Variants in SMAD9 observed in about 807,000 individuals in gnomAD.
SMAD9 encodes MAD homolog 9.
SMAD9 carries 36 observed loss-of-function variants against 46.1 expected under a neutral mutation model. The observed-to-expected ratio is 0.78, with a 90% CI of 0.60 to 1.03. The LOEUF is 1.03. Ranked by LOEUF, SMAD9 falls within the 50% of genes least tolerant of loss-of-function variation. The pLI is 0.00. For missense variants in SMAD9, 572 were observed against 599.8 expected (o/e 0.95, Z 0.48); for synonymous variants, 245 against 237.1 (o/e 1.03, Z -0.31).
chr13:36,898,896 T>C (rs906977025), intron 1 of SMAD9, among the ~76,000 whole-genome samples: 2 of 152,168 alleles, frequency 1.3e-5, no homozygotes, highest in African/African-American at 2.4e-5. Context: ...TATTCATGAT[T>C]GTATGGATGT....
intron 1 of SMAD9, among the ~76,000 whole-genome samples, chr13:36,890,814 T>C (rs2058483385): frequency 6.7e-6 from 1 of 149,692 alleles, no homozygotes; most frequent in Admixed American, 6.7e-5. Context: ...CTCTCCCCTC[T>C]CCACACCCCC....
At chr13:36,854,617 C>G (rs993587121) in intron 5 of SMAD9, among the ~76,000 whole-genome samples, 1 of 152,156 alleles carries the variant, frequency 6.6e-6, no homozygotes, top group Non-Finnish European at 1.5e-5. Flanking sequence ...AGTAATCCAC[C>G]CGCCTCGGCC....
intron 1 of SMAD9, among the ~76,000 whole-genome samples, chr13:36,907,363 T>TA (rs1488463111): frequency 6.6e-6 from 1 of 152,172 alleles, no homozygotes; most frequent in African/African-American, 2.4e-5. Context: ...CACTGAACTA[T>TA]ATGACTAAAA....
chr13:36,896,419 C>T (rs1478442317), intron 1 of SMAD9, among the ~76,000 whole-genome samples: 1 of 152,174 alleles, frequency 6.6e-6, no homozygotes. Context: ...AGGTGCGAGA[C>T]ACCAGACCCG....
intron 5 of SMAD9, among the ~76,000 whole-genome samples, chr13:36,855,262 A>G (rs1446008117): frequency 1.3e-5 from 2 of 151,440 alleles, no homozygotes; most frequent in African/African-American, 4.8e-5. Context: ...AAAAAAAAAA[A>G]AAAAAAAAAA....
chr13:36,886,709 C>T (rs2058447981), intron 1 of SMAD9, among the ~76,000 whole-genome samples: 1 of 152,202 alleles, frequency 6.6e-6, no homozygotes, highest in South Asian at 2.1e-4. Flanking sequence ...TATGCAGGAA[C>T]AAACATGATT....
rs749354296 is a variant in SMAD9, at chr13:36,845,777, T to C, written c.*2899A>G. The C allele has an allele frequency of 6.6e-6, 1 of 152,154 alleles. No homozygotes were observed. Among genetic ancestry groups the C allele is most frequent in the Non-Finnish European group, 1.5e-5 (1 of 68,022 alleles). 9.4% of individuals were successfully genotyped at this position (152,154 alleles called of 1,614,324 possible). A position where few individuals can be genotyped will look rare whatever the true frequency, so the allele number is the denominator to read the frequency against. ...TGATTGTGTTACAATGACTAAAGGG[T>C]TAACTTCTCATTAATTCTAAATTCT... On this transcript the variant is annotated 3_prime_UTR_variant, in exon 7 of 7. Coordinates refer to ENST00000379826, the MANE Select transcript of SMAD9 (RefSeq NM_001127217.3).
At position 36,879,291 on chromosome 13, in the gene SMAD9, C is replaced by T; in HGVS notation, c.399G>A (p.Arg133=). 1.2e-6 allele frequency: 2 copies of T among 1,613,944 alleles called. No homozygotes were observed. Among genetic ancestry groups the T allele is most frequent in the Non-Finnish European group, 1.7e-6 (2 of 1,179,938 alleles). ...EVCINPYHYR[R]VETPVLPPVL... ...AAGACGACCCACCTGGAGTCTCCACCCGGCGGTAGTGGTAAGGGTTAATGC... is the reference window on the plus strand; with the variant it reads ...AAGACGACCCACCTGGAGTCTCCACTCGGCGGTAGTGGTAAGGGTTAATGC... Residue 133 remains arginine, a synonymous_variant, in exon 2 of 7, where the codon CGG becomes CGA. Transcript: ENST00000379826.
At position 36,886,862 on chromosome 13, in the gene SMAD9, G is replaced by T. The variant is rs147053200; in HGVS notation, c.-186-6987C>A. On this transcript the variant is annotated intron_variant, in intron 1 of 6. Transcript: ENST00000379826. ...AAAATGCCAAGAGGGTGGCACAGGGGTGGAGAGAATTCCATGCATTTGGGT... is the reference window on the plus strand; with the variant it reads ...AAAATGCCAAGAGGGTGGCACAGGGTTGGAGAGAATTCCATGCATTTGGGT... Among the ~76,000 whole-genome samples the T allele has an allele frequency of 5.0e-4, 76 of 152,138 alleles. 1 individual carries two copies. Among genetic ancestry groups the T allele is most frequent in the African/African-American group, 1.7e-3 (69 of 41,546 alleles).
chr13:36,913,241 G>T (rs1483467545), intron 1 of SMAD9, among the ~76,000 whole-genome samples: 3 of 152,122 alleles, frequency 2.0e-5, no homozygotes, highest in Admixed American at 1.3e-4. Context: ...TACTATTGGA[G>T]AAATATTTTA....
chr13:36,910,355 G>A (rs2058651886), intron 1 of SMAD9, among the ~76,000 whole-genome samples: 1 of 151,996 alleles, frequency 6.6e-6, no homozygotes, highest in African/African-American at 2.4e-5. Flanking sequence ...AATTTGCAGG[G>A]CAATGAGACG....
intron 2 of SMAD9, 148 bp downstream of exon 2, chr13:36,879,130 A>T (rs2058375143): frequency 1.4e-6 from 1 of 703,172 alleles, no homozygotes; most frequent in Admixed American, 2.7e-5. Flanking sequence ...ATTTTGGACG[A>T]GTCCCTCAAA....
intron 1 of SMAD9, among the ~76,000 whole-genome samples, chr13:36,881,796 T>A (rs2058404758): frequency 6.6e-6 from 1 of 152,194 alleles, no homozygotes. Context: ...CAGGCTGCCT[T>A]AAAGCAATGG....
intron 5 of SMAD9, among the ~76,000 whole-genome samples, chr13:36,859,502 C>G (rs2058158697): frequency 6.6e-6 from 1 of 152,182 alleles, no homozygotes. Flanking sequence ...CTGGCCAAAA[C>G]CAAGATGGCG....
At position 36,920,149 on chromosome 13, in the gene SMAD9, C is replaced by CCGG. The variant is rs558197103; in HGVS notation, c.-223_-221dup. On this transcript the variant is annotated 5_prime_UTR_variant, in exon 1 of 7. Coordinates refer to ENST00000379826, the MANE Select transcript of SMAD9 (RefSeq NM_001127217.3). Reference sequence around the variant, plus strand: ...TGCGCGCGCCCAGCGCCTGCAGGGCCCGGCGGCGGCGGCGGGGACCGAGAC... The same window carrying CCGG: ...TGCGCGCGCCCAGCGCCTGCAGGGCCCGGCGGCGGCGGCGGCGGGGACCGAGAC... 1.1e-3 allele frequency: 170 copies of CCGG among 154,616 alleles called. 1 individual carries two copies. Among genetic ancestry groups the CCGG allele is most frequent in the South Asian group, 3.7e-3 (21 of 5,672 alleles). 9.6% of individuals were successfully genotyped at this position (154,616 alleles called of 1,614,324 possible).
At chr13:36,887,689 A>C (rs961878116) in intron 1 of SMAD9, among the ~76,000 whole-genome samples, 35 of 152,156 alleles carry the variant, frequency 2.3e-4, no homozygotes, top group Non-Finnish European at 4.4e-5. Flanking sequence ...TTGTTTAAAG[A>C]TGAGGCTTCT....
In SMAD9 at chr13:36,868,234, G is replaced by A. The variant is rs141815554; in HGVS notation, c.671-851C>T. Among the ~76,000 whole-genome samples the A allele has an allele frequency of 9.2e-5, 14 of 152,286 alleles. No individual in the cohort carries two copies. In the East Asian group the frequency reaches 1.5e-3, roughly 17 times the overall value. On this transcript the variant is annotated intron_variant, in intron 3 of 6. Coordinates refer to ENST00000379826, the MANE Select transcript of SMAD9 (RefSeq NM_001127217.3). ...TCCTGGCCCCATCCTTAGCAATTCC[G>A]ATTCAATAGGTCAGTGGTTGAATGT...
rs1226588884 is a variant in SMAD9, at chr13:36,872,769, A to G, written c.559T>C (p.Ser187Pro). The change falls in exon 3 of 7, where the codon TCT becomes CCT. Residue 187 changes from serine to proline, a missense_variant. Physicochemically the swap from Ser to Pro is moderately conservative, Grantham distance 74. Transcript: ENST00000379826. ...YPDSFQQPPCSALPPSPSHAF... is the reference protein window; with the variant it reads ...YPDSFQQPPCPALPPSPSHAF... ...TGGCTGGGTGAGGGAGGGAGTGCAG[A>G]GCACGGAGGCTGCTGGAAAGAGTCA... The G allele has an allele frequency of 6.2e-7, 1 of 1,614,018 alleles. No homozygotes were observed. Among genetic ancestry groups the G allele is most frequent in the Non-Finnish European group, 8.5e-7 (1 of 1,179,996 alleles).
intron 1 of SMAD9, among the ~76,000 whole-genome samples, chr13:36,906,384 G>GA (rs990984878): frequency 1.3e-5 from 2 of 151,714 alleles, no homozygotes; most frequent in African/African-American, 4.8e-5. Flanking sequence ...TAAATAAATG[G>GA]AAAAAAATGC....
Sources: allele counts gnomAD v4.1 joint callset (sites outside exome capture counted in the v4.1 genomes callset), GRCh38; gene constraint gnomAD v4.1.1; transcripts MANE v1.5; gene names NCBI Gene and HGNC (gene_info 2026-07-23, HGNC 2026-07-21).